Variants in DUSP29 observed in about 807,000 individuals in gnomAD.
DUSP29 encodes the protein atypical dual-specific protein phosphatase.
DUSP29 carries 12 observed loss-of-function variants against 13.5 expected under a neutral mutation model. The ratio of observed to expected loss-of-function variants is 0.89; its 90% CI spans 0.57 to 1.44. The LOEUF (loss-of-function observed/expected upper bound fraction) is 1.44. DUSP29 is among the 40% of genes most tolerant of loss of function. The probability of loss-of-function intolerance (pLI) is 0.00; values close to 1 mark genes in which losing one functional copy is unlikely to be tolerated. For missense variants in DUSP29, 308 were observed against 301.1 expected, an observed-to-expected ratio of 1.02 and a Z score of -0.17; for synonymous variants, 134 against 128.7, an observed-to-expected ratio of 1.04 and a Z score of -0.28.
intron 1 of DUSP29, among the ~76,000 whole-genome samples, chr10:75,064,194 C>T (rs1847145409): frequency 6.6e-6 from 1 of 151,076 alleles, no homozygotes; most frequent in South Asian, 2.1e-4. Context: ...TGCACCACCA[C>T]ACCTGGCTAA....
In DUSP29 at chr10:75,042,827, C is replaced by T. The variant is rs193100173; in HGVS notation, c.421+970G>A. ...GAAAGGCTTTCAGTAACCAGATACC[C>T]TGAATTATGTGATGGCTCCACAAAG... On this transcript the variant is annotated intron_variant, in intron 3 of 3. Transcript: ENST00000338487. Among the ~76,000 whole-genome samples the T allele has an allele frequency of 1.9e-3, 297 of 152,352 alleles. 1 individual carries two copies. Among genetic ancestry groups the T allele is most frequent in the African/African-American group, 6.8e-3 (284 of 41,582 alleles).
At chr10:75,044,561 G>A (rs896341573) in intron 2 of DUSP29, among the ~76,000 whole-genome samples, 1 of 152,204 alleles carries the variant, frequency 6.6e-6, no homozygotes, top group African/African-American at 2.4e-5. Context: ...GCTTTGGGGA[G>A]CTGTTGCCCA....
intron 3 of DUSP29, among the ~76,000 whole-genome samples, chr10:75,042,545 C>G (rs1222401705): frequency 6.6e-6 from 1 of 152,218 alleles, no homozygotes; most frequent in East Asian, 1.9e-4. Context: ...AAAGGAAGGC[C>G]TGGAAATGAG....
At chr10:75,045,631 G>A (rs1380717156) in intron 2 of DUSP29, among the ~76,000 whole-genome samples, 2 of 152,172 alleles carry the variant, frequency 1.3e-5, no homozygotes, top group African/African-American at 2.4e-5. Context: ...CCAGGCAGAG[G>A]GAACAACTGC....
rs1472251824 is a variant in DUSP29, at chr10:75,043,988, T to C, written c.230A>G (p.Gln77Arg). ...CAGCACGTGCGTGAACCCCGCCTTC[T>C]GCAGCCTATAGCGGTCCAGCGCCGT... ...EATALDRYRL[Q>R]KAGFTHVLNA... The change falls in exon 3 of 4, where the codon CAG (glutamine) becomes CGG (arginine). Residue 77 changes from glutamine to arginine, a missense_variant. Transcript: ENST00000338487. The C allele has an allele frequency of 1.2e-6, 2 of 1,612,364 alleles. No homozygotes were observed. Among genetic ancestry groups the C allele is most frequent in the Non-Finnish European group, 1.7e-6 (2 of 1,179,924 alleles).
chr10:75,059,483 A>G (rs1262725518), intron 1 of DUSP29, among the ~76,000 whole-genome samples: 1 of 152,206 alleles, frequency 6.6e-6, no homozygotes, highest in Non-Finnish European at 1.5e-5. Context: ...ATACTTATAT[A>G]ACACCTATTG....
At chr10:75,064,299 A>G (rs1847149057) in intron 1 of DUSP29, among the ~76,000 whole-genome samples, 1 of 152,138 alleles carries the variant, frequency 6.6e-6, no homozygotes. Context: ...CACAGAGTCA[A>G]GAGATCGAGA....
At chr10:75,062,832 A>T (rs1347278618) in intron 1 of DUSP29, among the ~76,000 whole-genome samples, 1 of 152,206 alleles carries the variant, frequency 6.6e-6, no homozygotes, top group East Asian at 1.9e-4. Context: ...CACAATATCA[A>T]TCACAGGCTA....
chr10:75,058,924 G>T (rs563182155), intron 1 of DUSP29, among the ~76,000 whole-genome samples: 2 of 152,222 alleles, frequency 1.3e-5, no homozygotes, highest in East Asian at 3.9e-4. Context: ...GGCCATTTGG[G>T]ACCCAAAATA....
chr10:75,058,660 C>A, intron 1 of DUSP29, 112 bp from the exon 2 acceptor site: 5 of 945,662 alleles, frequency 5.3e-6, no homozygotes, highest in Non-Finnish European at 6.2e-6. Context: ...AAAGAGTTTC[C>A]CCAACCTGCT....
At chr10:75,038,845 G>A (rs193244097) in intron 3 of DUSP29, among the ~76,000 whole-genome samples, 6 of 152,304 alleles carry the variant, frequency 3.9e-5, no homozygotes, top group African/African-American at 7.2e-5. Flanking sequence ...GAGGCCGGGC[G>A]CGGTGGCTCA....
intron 1 of DUSP29, among the ~76,000 whole-genome samples, chr10:75,063,347 C>A (rs1158520357): frequency 6.6e-6 from 1 of 151,778 alleles, no homozygotes; most frequent in Non-Finnish European, 1.5e-5. Flanking sequence ...CTCCTCAGCT[C>A]AAGTCACTGC....
Position 75,058,380 on chromosome 10 carries a change from G to T in DUSP29, c.135C>A (p.Phe45Leu). The T allele has an allele frequency of 6.2e-7, 1 of 1,614,220 alleles. No individual in the cohort carries two copies. Among genetic ancestry groups the T allele is most frequent in the Non-Finnish European group, 8.5e-7 (1 of 1,180,030 alleles). ...TPGAFELERL[F>L]WKGSPQYTHV... ...GGGTGTACTGGGGACTGCCCTTCCA[G>T]AAGAGCCGCTCCAGCTCAAAGGCTC... The change falls in exon 2 of 4, where the codon TTC becomes TTA. Residue 45 changes from phenylalanine (F) to leucine (L), a missense_variant. Physicochemically the swap from Phe to Leu is conservative, Grantham distance 22. Transcript: ENST00000338487.
At chr10:75,043,625 C>T (rs1218366829) in intron 3 of DUSP29, among the ~76,000 whole-genome samples, 172 bp downstream of exon 3, 1 of 152,196 alleles carries the variant, frequency 6.6e-6, no homozygotes, top group Non-Finnish European at 1.5e-5. Context: ...CGCACGCGCA[C>T]ATCCCGCTTC....
intron 2 of DUSP29, among the ~76,000 whole-genome samples, chr10:75,050,252 T>C (rs1034122257): frequency 6.6e-6 from 1 of 152,178 alleles, no homozygotes. Context: ...GTGAACGAGA[T>C]TAAAGTGAGA....
intron 1 of DUSP29, among the ~76,000 whole-genome samples, chr10:75,065,142 GA>G (rs1443005663): frequency 6.6e-6 from 1 of 152,144 alleles, no homozygotes; most frequent in Non-Finnish European, 1.5e-5. Flanking sequence ...GCTAAAGCTA[GA>G]GGGGCAAAAT....
chr10:75,067,512 G>A (rs992272077), intron 1 of DUSP29, among the ~76,000 whole-genome samples: 2 of 152,116 alleles, frequency 1.3e-5, no homozygotes, highest in African/African-American at 2.4e-5. Flanking sequence ...GGCGGGTCAC[G>A]AGAAGGAATG....
intron 2 of DUSP29, among the ~76,000 whole-genome samples, chr10:75,049,769 C>T (rs547291771): frequency 6.6e-6 from 1 of 152,184 alleles, no homozygotes; most frequent in Non-Finnish European, 1.5e-5. Context: ...GACTTGCCTT[C>T]ACTTCACTTC....
chr10:75,047,326 T>C (rs548300341), intron 2 of DUSP29, among the ~76,000 whole-genome samples: 1 of 152,230 alleles, frequency 6.6e-6, no homozygotes, highest in East Asian at 1.9e-4. Context: ...TACACAGATG[T>C]TGTGGGGGAG....
Sources: allele counts gnomAD v4.1 joint callset (sites outside exome capture counted in the v4.1 genomes callset), GRCh38; gene constraint gnomAD v4.1.1; transcripts MANE v1.5; gene names NCBI Gene and HGNC (gene_info 2026-07-23, HGNC 2026-07-21).